NEK1: variants seen among roughly 807,000 people sequenced by gnomAD.
NEK1 encodes the protein NIMA related kinase 1.
In NEK1, 137 loss-of-function variants were observed where a neutral mutation model predicts 182.1. That is an observed-to-expected ratio of 0.75 (90% confidence interval 0.65 to 0.87). The LOEUF is 0.87. Among genes scored for constraint, NEK1 ranks in the 40% least tolerant of loss-of-function variants. The probability of loss-of-function intolerance (pLI) is 0.00; values close to 1 mark genes in which losing one functional copy is unlikely to be tolerated. For missense variants in NEK1, 1,391 were observed against 1,494.4 expected (o/e 0.93, Z 1.14); for synonymous variants, 513 against 492.2 (o/e 1.04, Z -0.56).
chr4:169,422,474 G>A (rs1353312015), intron 31 of NEK1, among the ~76,000 whole-genome samples: 1 of 152,040 alleles, frequency 6.6e-6, no homozygotes, highest in East Asian at 1.9e-4. Flanking sequence ...AAAGCACAAG[G>A]GGAATTTCCT....
chr4:169,452,985 T>C (rs1278139391), intron 27 of NEK1, among the ~76,000 whole-genome samples: 1 of 152,156 alleles, frequency 6.6e-6, no homozygotes, highest in Non-Finnish European at 1.5e-5. Context: ...AAAATCAATG[T>C]GCAAAAATCA....
chr4:169,540,486 A>G (rs568047788), intron 18 of NEK1, among the ~76,000 whole-genome samples: 12 of 152,258 alleles, frequency 7.9e-5, no homozygotes, highest in East Asian at 7.7e-4. Flanking sequence ...ATACAACTCT[A>G]CTAAACTATG....
chr4:169,409,447 T>G (rs62334470), intron 31 of NEK1, among the ~76,000 whole-genome samples: 79,633 of 150,822 alleles, frequency 0.53, 21,337 homozygotes, highest in East Asian at 0.75. Flanking sequence ...CCCGGCCACT[T>G]ACCTGTTTTT....
intron 19 of NEK1, among the ~76,000 whole-genome samples, chr4:169,514,409 A>G (rs1754756649): frequency 1.3e-5 from 2 of 152,182 alleles, no homozygotes; most frequent in African/African-American, 4.8e-5. Flanking sequence ...TCACTCCACT[A>G]CTACTTCTGG....
At chr4:169,562,081 C>CT in intron 13 of NEK1, 56 bp downstream of exon 13, 1 of 1,365,480 alleles carries the variant, frequency 7.3e-7, no homozygotes. Flanking sequence ...GATTTTGTTT[C>CT]TTTTTTAAAA....
chr4:169,586,147 C>T (rs1767495630), intron 9 of NEK1, among the ~76,000 whole-genome samples: 1 of 149,566 alleles, frequency 6.7e-6, no homozygotes, highest in African/African-American at 2.5e-5. Context: ...AAAAAGAAAA[C>T]AAGAGGTAGG....
chr4:169,589,775 C>A (rs1420603550), intron 6 of NEK1, among the ~76,000 whole-genome samples: 1 of 151,922 alleles, frequency 6.6e-6, no homozygotes, highest in Non-Finnish European at 1.5e-5. Flanking sequence ...TGCCATTGGG[C>A]TAGGGAATGG....
intron 19 of NEK1, among the ~76,000 whole-genome samples, chr4:169,530,516 C>A (rs1484433391): frequency 1.3e-5 from 2 of 152,044 alleles, no homozygotes; most frequent in Non-Finnish European, 2.9e-5. Flanking sequence ...GTGATCTTAG[C>A]ATGTTTAAGG....
chr4:169,545,332 C>G (rs532472543), intron 18 of NEK1, among the ~76,000 whole-genome samples: 78 of 151,780 alleles, frequency 5.1e-4, no homozygotes, highest in African/African-American at 1.8e-3. Flanking sequence ...CGATAGTTTA[C>G]TGAGAATGAT....
At chr4:169,607,279 AT>A (rs1464550343) in intron 2 of NEK1, among the ~76,000 whole-genome samples, 1 of 152,230 alleles carries the variant, frequency 6.6e-6, no homozygotes, top group Non-Finnish European at 1.5e-5. Flanking sequence ...CCATCAAAAA[AT>A]AATGATGCAC....
intron 27 of NEK1, among the ~76,000 whole-genome samples, chr4:169,444,828 C>G (rs921832025): frequency 6.6e-6 from 1 of 152,162 alleles, no homozygotes; most frequent in Non-Finnish European, 1.5e-5. Flanking sequence ...GCAACATTCT[C>G]CAGGACAGGC....
intron 12 of NEK1, among the ~76,000 whole-genome samples, chr4:169,573,142 T>C (rs1419495477): frequency 2.0e-5 from 3 of 152,200 alleles, no homozygotes; most frequent in Non-Finnish European, 2.9e-5. Flanking sequence ...ATGCAAATGA[T>C]TGAGTTGATC....
At chr4:169,570,569 C>A (rs1764625787) in intron 12 of NEK1, among the ~76,000 whole-genome samples, 1 of 150,372 alleles carries the variant, frequency 6.7e-6, no homozygotes, top group East Asian at 2.1e-4. Context: ...GGTCAGCCCC[C>A]CGCCCGGCCA....
rs1763001930 is a variant in NEK1, at chr4:169,562,028, T to C, written c.1080+109A>G. 2 of 1,111,324 alleles carry C rather than the reference T, an allele frequency of 1.8e-6. 1 individual carries two copies. The highest frequency in any genetic ancestry group is 3.2e-5 in the African/African-American group (2 of 61,986). 68.8% of individuals were successfully genotyped at this position (1,111,324 alleles called of 1,614,324 possible). ...AAAAAAAAAAAGAAGTTATAGGTAT[T>C]CGTTTGAAAGAAATAAGGAAAGGTT... On this transcript the variant is annotated intron_variant, in intron 13 of 35. Coordinates refer to ENST00000507142, the MANE Select transcript of NEK1 (RefSeq NM_001199397.3).
At chr4:169,437,541 G>A (rs778511666) in intron 28 of NEK1, among the ~76,000 whole-genome samples, 5 of 152,054 alleles carry the variant, frequency 3.3e-5, no homozygotes, top group Non-Finnish European at 5.9e-5. Context: ...AATAGAATAC[G>A]GCAGAAGTGA....
At chr4:169,495,345 G>A (rs890681518) in intron 23 of NEK1, among the ~76,000 whole-genome samples, 20 of 146,014 alleles carry the variant, frequency 1.4e-4, no homozygotes, top group African/African-American at 3.0e-4. Flanking sequence ...CCGGGTTCAC[G>A]CCATTCTCCT....
intron 18 of NEK1, among the ~76,000 whole-genome samples, chr4:169,541,095 T>C (rs1396291143): frequency 6.6e-6 from 1 of 152,016 alleles, no homozygotes; most frequent in Non-Finnish European, 1.5e-5. Flanking sequence ...ATGGAGATAA[T>C]CTGAGAAATA....
At chr4:169,443,918 A>C (rs372585270) in intron 27 of NEK1, among the ~76,000 whole-genome samples, 2 of 152,174 alleles carry the variant, frequency 1.3e-5, no homozygotes, top group African/African-American at 4.8e-5. Context: ...AACCAACAAC[A>C]AACTGTCAGC....
intron 18 of NEK1, among the ~76,000 whole-genome samples, chr4:169,541,739 C>T (rs950803292): frequency 6.6e-6 from 1 of 152,102 alleles, no homozygotes; most frequent in East Asian, 1.9e-4. Context: ...TGGAAGCAAC[C>T]TTCGGTATTA....
Sources: allele counts gnomAD v4.1 joint callset (sites outside exome capture counted in the v4.1 genomes callset), GRCh38; gene constraint gnomAD v4.1.1; transcripts MANE v1.5; gene names NCBI Gene and HGNC (gene_info 2026-07-23, HGNC 2026-07-21).